Variants in ST3GAL3 observed in about 807,000 individuals in gnomAD.
ST3GAL3 encodes the protein ST3 beta-galactoside alpha-2,3-sialyltransferase 3, also known as CMP-N-acetylneuraminate-beta-1,4-galactoside alpha-2,3-sialyltransferase.
In ST3GAL3, 21 loss-of-function variants were observed where a neutral mutation model predicts 50.1. The observed-to-expected ratio is 0.42, with a 90% CI of 0.30 to 0.60. The LOEUF (loss-of-function observed/expected upper bound fraction) is 0.60, where lower values mean the gene tolerates loss of function less well. ST3GAL3 is among the 20% of genes least tolerant of loss of function. ST3GAL3 has a pLI of 0.19. For missense variants in ST3GAL3, 353 were observed against 489.4 expected (o/e 0.72, Z 2.63); for synonymous variants, 183 against 190.0 (o/e 0.96, Z 0.30).
Position 43,920,866 on chromosome 1 carries a change from A to G in ST3GAL3, c.976A>G (p.Met326Val). Residue 326 changes from methionine (M) to valine (V), a missense_variant, in exon 11 of 12, where the codon ATG (methionine) becomes GTG (valine). Coordinates refer to ENST00000347631, the MANE Select transcript of ST3GAL3 (RefSeq NM_006279.5). Reference protein sequence around the residue: ...EVAVAGFGYDMSTPNAPLHYY... With the variant: ...EVAVAGFGYDVSTPNAPLHYY... ...GGCAGTCGCAGGATTTGGCTATGAC[A>G]TGAGCACACCCAACGCACCCCTGCA... 1.2e-6 allele frequency: 2 copies of G among 1,614,122 alleles called. No individual in the cohort carries two copies. Among genetic ancestry groups the G allele is most frequent in the Non-Finnish European group, 1.7e-6 (2 of 1,180,018 alleles).
intron 2 of ST3GAL3, among the ~76,000 whole-genome samples, chr1:43,759,861 T>C (rs6664485): frequency 0.36 from 55,254 of 152,054 alleles, 11,166 homozygotes; most frequent in African/African-American, 0.55. Flanking sequence ...GGATATGCGT[T>C]GTTTCACTCA....
intron 1 of ST3GAL3, among the ~76,000 whole-genome samples, chr1:43,728,142 C>T (rs578022463): frequency 3.3e-4 from 50 of 152,136 alleles, no homozygotes; most frequent in Non-Finnish European, 4.6e-4. Context: ...TCTGTTCCTG[C>T]GTTAATTTGC....
At chr1:43,725,454 G>A (rs1006065637) in intron 1 of ST3GAL3, among the ~76,000 whole-genome samples, 3 of 152,102 alleles carry the variant, frequency 2.0e-5, no homozygotes, top group East Asian at 3.9e-4. Context: ...CCACCTCGGC[G>A]TCTCAAAGTG....
intron 1 of ST3GAL3, among the ~76,000 whole-genome samples, chr1:43,716,100 A>T (rs1667249886): frequency 6.6e-6 from 1 of 152,216 alleles, no homozygotes; most frequent in South Asian, 2.1e-4. Flanking sequence ...CTATTTTCAA[A>T]ATGCACTCAA....
chr1:43,815,063 C>A, intron 4 of ST3GAL3, 130 bp downstream of exon 4: 3 of 932,246 alleles, frequency 3.2e-6, no homozygotes, highest in Non-Finnish European at 5.3e-6. Flanking sequence ...TGTCCTCAGG[C>A]TGTCAGCAGA....
intron 2 of ST3GAL3, among the ~76,000 whole-genome samples, chr1:43,759,092 C>A (rs868676367): frequency 1.3e-5 from 2 of 151,362 alleles, no homozygotes; most frequent in Middle Eastern, 3.4e-3. Flanking sequence ...CACACACACA[C>A]ACACACACAC....
intron 5 of ST3GAL3, among the ~76,000 whole-genome samples, chr1:43,889,780 A>AT (rs1558745241): frequency 6.6e-6 from 1 of 152,236 alleles, no homozygotes; most frequent in Non-Finnish European, 1.5e-5. Context: ...TAGGTAAACA[A>AT]TTTTTTGCTG....
chr1:43,916,577 A>T (rs1049663943), intron 9 of ST3GAL3: 1 of 152,196 alleles, frequency 6.6e-6, no homozygotes, highest in African/African-American at 2.4e-5. Context: ...TGGTACATCC[A>T]TAAGACAAAA....
At chr1:43,926,825 CAGGGCTGACT>C (rs2084049464) in intron 11 of ST3GAL3, among the ~76,000 whole-genome samples, 1 of 152,220 alleles carries the variant, frequency 6.6e-6, no homozygotes, top group South Asian at 2.1e-4. Flanking sequence ...AGCTACACCC[CAGGGCTGACT>C]TTCTTGTTTA....
intron 2 of ST3GAL3, among the ~76,000 whole-genome samples, chr1:43,747,464 C>T (rs987604721): frequency 1.8e-4 from 28 of 151,900 alleles, no homozygotes; most frequent in East Asian, 5.8e-4. Context: ...GATGGGGAAA[C>T]GGGCCCAGGG....
At chr1:43,929,963 A>G in intron 11 of ST3GAL3, 169 bp from the exon 12 acceptor site, 1 of 761,538 alleles carries the variant, frequency 1.3e-6, no homozygotes, top group South Asian at 1.4e-5. Flanking sequence ...TGGCACTCCT[A>G]GAGCAGGGTC....
At chr1:43,746,356 A>G (rs912179938) in intron 2 of ST3GAL3, among the ~76,000 whole-genome samples, 3 of 152,134 alleles carry the variant, frequency 2.0e-5, no homozygotes, top group Admixed American at 6.5e-5. Context: ...ATGGGTTCAG[A>G]GTTTCAGTTT....
intron 2 of ST3GAL3, among the ~76,000 whole-genome samples, chr1:43,771,388 C>CTCGCTG (rs1184486546): frequency 6.6e-6 from 1 of 150,710 alleles, no homozygotes; most frequent in Non-Finnish European, 1.5e-5. Context: ...GAGACAGAGT[C>CTCGCTG]TCGCTGTCGC....
intron 3 of ST3GAL3, among the ~76,000 whole-genome samples, chr1:43,812,095 A>T (rs1321653511): frequency 6.6e-6 from 1 of 152,208 alleles, no homozygotes; most frequent in African/African-American, 2.4e-5. Flanking sequence ...TAATCCCGAT[A>T]ACAGTCAACA....
At chr1:43,881,342 C>G (rs1410485356) in intron 5 of ST3GAL3, among the ~76,000 whole-genome samples, 1 of 152,250 alleles carries the variant, frequency 6.6e-6, no homozygotes, top group African/African-American at 2.4e-5. Flanking sequence ...ATGACTAGCA[C>G]AGAGCCTGAG....
chr1:43,731,737 T>A (rs2154084957), intron 1 of ST3GAL3, among the ~76,000 whole-genome samples: 1 of 151,898 alleles, frequency 6.6e-6, no homozygotes, highest in East Asian at 1.9e-4. Flanking sequence ...TTTCACAGTG[T>A]TAGCCAGGAT....
chr1:43,928,040 T>G (rs1253617737), intron 11 of ST3GAL3, among the ~76,000 whole-genome samples: 2 of 152,230 alleles, frequency 1.3e-5, no homozygotes, highest in Non-Finnish European at 2.9e-5. Context: ...TGCGGGAATT[T>G]GGCTGATGAC....
intron 5 of ST3GAL3, chr1:43,879,631 G>A: frequency 6.0e-6 from 2 of 335,096 alleles, no homozygotes; most frequent in South Asian, 2.4e-5. Context: ...CCATCCAGTT[G>A]GCAAGAGAGA....
chr1:43,790,987 C>T (rs1387423370), intron 2 of ST3GAL3, among the ~76,000 whole-genome samples: 1 of 152,134 alleles, frequency 6.6e-6, no homozygotes. Flanking sequence ...GATCACTGTA[C>T]AGTATTTGCT....
Sources: gnomAD v4.1 joint callset for allele counts (sites outside exome capture counted in the v4.1 genomes callset) on GRCh38, gnomAD v4.1.1 for gene constraint, MANE v1.5 for transcripts, NCBI Gene and HGNC (gene_info 2026-07-23, HGNC 2026-07-21) for gene names.